RBFOX1: variants seen among roughly 807,000 people sequenced by gnomAD.
The protein encoded by RBFOX1 is RNA binding protein fox-1 homolog 1.
RBFOX1 carries 8 observed loss-of-function variants against 57.7 expected under a neutral mutation model. The observed-to-expected ratio is 0.14, with a 90% CI of 0.08 to 0.25. The LOEUF (loss-of-function observed/expected upper bound fraction) is 0.25. Among genes scored for constraint, RBFOX1 ranks in the 10% least tolerant of loss-of-function variants. RBFOX1 has a pLI of 1.00. For missense variants in RBFOX1, 611 were observed against 548.5 expected (o/e 1.11, Z -1.14); for synonymous variants, 326 against 222.4 (o/e 1.47, Z -4.15).
At chr16:5,387,536 C>A (rs775389830) in intron 1 of RBFOX1, among the ~76,000 whole-genome samples, 1 of 152,178 alleles carries the variant, frequency 6.6e-6, no homozygotes, top group African/African-American at 2.4e-5. Context: ...GATGAAAAGA[C>A]TGCCTTTAAA....
intron 5 of RBFOX1, among the ~76,000 whole-genome samples, chr16:7,527,726 T>G (rs2079019557): frequency 6.6e-6 from 1 of 152,174 alleles, no homozygotes; most frequent in Admixed American, 6.5e-5. Flanking sequence ...GTAATGTCTA[T>G]GAAGGTCTTA....
chr16:5,282,206 G>T (rs1567275439), intron 1 of RBFOX1, among the ~76,000 whole-genome samples: 1 of 152,172 alleles, frequency 6.6e-6, no homozygotes, highest in Non-Finnish European at 1.5e-5. Flanking sequence ...GATGTGACTT[G>T]CCTCTCCTTG....
At chr16:6,361,611 C>T (rs2088540534) in intron 2 of RBFOX1, among the ~76,000 whole-genome samples, 2 of 147,372 alleles carry the variant, frequency 1.4e-5, no homozygotes, top group Admixed American at 6.7e-5. Context: ...CTGGGTGACA[C>T]ATTGAGACTC....
At chr16:6,587,813 A>AT (rs2097651492) in intron 2 of RBFOX1, among the ~76,000 whole-genome samples, 1 of 152,188 alleles carries the variant, frequency 6.6e-6, no homozygotes, top group Non-Finnish European at 1.5e-5. Flanking sequence ...CCAATGATTA[A>AT]CATTTTGTGA....
At chr16:6,942,111 C>T (rs2078639984) in intron 3 of RBFOX1, among the ~76,000 whole-genome samples, 1 of 152,088 alleles carries the variant, frequency 6.6e-6, no homozygotes, top group Non-Finnish European at 1.5e-5. Context: ...CAGTGGTGCA[C>T]ACCTGTAATC....
chr16:7,193,524 T>C (rs1488193033), intron 4 of RBFOX1, among the ~76,000 whole-genome samples: 1 of 152,238 alleles, frequency 6.6e-6, no homozygotes, highest in Admixed American at 6.5e-5. Context: ...TCAATATAAC[T>C]GCAAATGCTT....
intron 3 of RBFOX1, among the ~76,000 whole-genome samples, chr16:6,802,920 G>A (rs2085832391): frequency 6.6e-6 from 1 of 152,120 alleles, no homozygotes; most frequent in Non-Finnish European, 1.5e-5. Flanking sequence ...GTTTCCCTTA[G>A]GGTTAAATAT....
chr16:7,267,325 G>A (rs12102672), intron 4 of RBFOX1, among the ~76,000 whole-genome samples: 58,504 of 151,412 alleles, frequency 0.39, 14,181 homozygotes, highest in African/African-American at 0.69. Context: ...ACTTGAGGTC[G>A]GCAGTTGGAG....
intron 2 of RBFOX1, among the ~76,000 whole-genome samples, chr16:6,636,302 C>T (rs1049262796): frequency 6.6e-6 from 1 of 152,110 alleles, no homozygotes; most frequent in Admixed American, 6.6e-5. Context: ...TCCCGAGTAG[C>T]TGGGACTAGA....
At chr16:6,873,084 T>C (rs578156894) in intron 3 of RBFOX1, among the ~76,000 whole-genome samples, 93 of 151,824 alleles carry the variant, frequency 6.1e-4, no homozygotes, top group Non-Finnish European at 9.4e-4. Flanking sequence ...TTCTGAAATA[T>C]GTACCTTGTA....
chr16:7,312,552 C>T (rs1057123779), intron 4 of RBFOX1, among the ~76,000 whole-genome samples: 2 of 152,136 alleles, frequency 1.3e-5, no homozygotes, highest in Non-Finnish European at 2.9e-5. Context: ...GGTGTCACTC[C>T]GGGTCTTCTT....
At chr16:6,101,125 A>G (rs2096302239) in intron 1 of RBFOX1, among the ~76,000 whole-genome samples, 2 of 152,210 alleles carry the variant, frequency 1.3e-5, no homozygotes, top group Non-Finnish European at 2.9e-5. Flanking sequence ...TAAAATGGGT[A>G]TAATACTGAC....
At chr16:6,508,820 T>G (rs1024251063) in intron 2 of RBFOX1, among the ~76,000 whole-genome samples, 1 of 151,190 alleles carries the variant, frequency 6.6e-6, no homozygotes, top group African/African-American at 2.4e-5. Flanking sequence ...GATACAAAAG[T>G]AATCACGGTA....
intron 2 of RBFOX1, among the ~76,000 whole-genome samples, chr16:6,548,624 A>G (rs2096927905): frequency 2.0e-5 from 3 of 152,214 alleles, no homozygotes; most frequent in Admixed American, 2.0e-4. Context: ...GAAGGAAAAA[A>G]GAATTAAATT....
At chr16:6,936,307 G>A (rs1349617316) in intron 3 of RBFOX1, among the ~76,000 whole-genome samples, 2 of 152,158 alleles carry the variant, frequency 1.3e-5, no homozygotes, top group Non-Finnish European at 2.9e-5. Context: ...AAGTTTGTTG[G>A]AAATGCAAGA....
intron 2 of RBFOX1, among the ~76,000 whole-genome samples, chr16:6,541,078 T>C (rs1454071590): frequency 6.6e-6 from 1 of 152,194 alleles, no homozygotes; most frequent in Non-Finnish European, 1.5e-5. Context: ...GGAAAAGCTC[T>C]AAGATATTTC....
chr16:6,703,919 G>C (rs764751838), intron 3 of RBFOX1: 1 of 152,200 alleles, frequency 6.6e-6, no homozygotes, highest in Non-Finnish European at 1.5e-5. Flanking sequence ...TCATAGAAAA[G>C]AGGCCTCAGC....
chr16:7,148,916 C>G (rs532021324), intron 4 of RBFOX1, among the ~76,000 whole-genome samples: 2 of 152,282 alleles, frequency 1.3e-5, no homozygotes, highest in African/African-American at 4.8e-5. Context: ...TTGCATGTGC[C>G]TAAAATCAGT....
At chr16:6,701,364 C>A (rs992357974) in intron 3 of RBFOX1, among the ~76,000 whole-genome samples, 4 of 152,196 alleles carry the variant, frequency 2.6e-5, no homozygotes, top group Non-Finnish European at 4.4e-5. Context: ...TCCCTGTTTA[C>A]CATCATCTTA....
Sources: allele counts gnomAD v4.1 joint callset (sites outside exome capture counted in the v4.1 genomes callset), GRCh38; gene constraint gnomAD v4.1.1; transcripts MANE v1.5; gene names NCBI Gene and HGNC (gene_info 2026-07-23, HGNC 2026-07-21).